The following TNXB variants were observed in gnomAD, a reference collection of about 807,000 sequenced individuals.
TNXB encodes the protein tenascin-X.
In TNXB, 183 loss-of-function variants were observed where a neutral mutation model predicts 340.5. That is an observed-to-expected ratio of 0.54 (90% CI 0.48 to 0.61). The LOEUF (loss-of-function observed/expected upper bound fraction) is 0.61. TNXB is among the 20% of genes least tolerant of loss of function. The probability of loss-of-function intolerance (pLI) is 0.00; values close to 1 mark genes in which losing one functional copy is unlikely to be tolerated. For missense variants in TNXB, 4,613 were observed against 5,446.4 expected (o/e 0.85, Z 4.82); for synonymous variants, 2,121 against 2,314.5 (o/e 0.92, Z 2.40).
chr6:32,087,912 C>G lies in TNXB; in HGVS notation c.2779+873G>C, dbSNP rs1399095318. On this transcript the variant is annotated intron_variant, in intron 6 of 43. Transcript: ENST00000644971. The surrounding 1 kb of genome is among the most constrained non-coding windows in gnomAD (Gnocchi z 9.0). ...AGGGCCAAGGGGGCCGTGGGGGCCG[C>G]GGGGCTGGGGCTGGCCGGGGCCGGG... 5 of 102,176 alleles carry G rather than the reference C, an allele frequency of 4.9e-5. No individual in the cohort carries two copies. Among genetic ancestry groups the G allele is most frequent in the South Asian group, 3.1e-4 (2 of 6,516 alleles). The allele number at this position is 102,176 out of a possible 1,614,324, so 6.3% of individuals were successfully genotyped here. A position where few individuals can be genotyped will look rare whatever the true frequency, so the allele number is the denominator to read the frequency against.
At chr6:32,050,493 C>G (rs1777217315) in intron 26 of TNXB, among the ~76,000 whole-genome samples, 172 bp from the exon 27 acceptor site, 2 of 151,208 alleles carry the variant, frequency 1.3e-5, no homozygotes, top group Admixed American at 1.3e-4. Flanking sequence ...TCACCCTGAC[C>G]CCCCTGCCCT....
At chr6:32,060,841 GT>G (rs1407406854) in intron 21 of TNXB, among the ~76,000 whole-genome samples, 3 of 151,954 alleles carry the variant, frequency 2.0e-5, no homozygotes, top group Non-Finnish European at 4.4e-5. Flanking sequence ...GTTTCACCAT[GT>G]TGGCTAGACT....
At chr6:32,088,022 C>T (rs1254833205) in intron 6 of TNXB, 2 of 284,452 alleles carry the variant, frequency 7.0e-6, no homozygotes, top group African/African-American at 2.4e-5. Context: ...GAGAACAGGT[C>T]AGTGGCAGCT....
chr6:32,081,447 G>A lies in TNXB; in HGVS notation c.3963C>T (p.Pro1321=), dbSNP rs765512234. ...AGAGGTTCATCTTATACTTCCGGTCGGGATCCAGGCCGGGGACAGTAACCT... is the reference window on the plus strand; with the variant it reads ...AGAGGTTCATCTTATACTTCCGGTCAGGATCCAGGCCGGGGACAGTAACCT... ...ENEVTVPGLD[P]DRKYKMNLYG... The change falls in exon 10 of 44, where the codon CCC becomes CCT. Residue 1321 remains proline (P), a synonymous_variant. Transcript: ENST00000644971. The surrounding 1 kb of genome is among the most constrained non-coding windows in gnomAD (Gnocchi z 5.1). The A allele has an allele frequency of 1.1e-5, 18 of 1,583,068 alleles. 1 individual carries two copies. The highest frequency in any genetic ancestry group is 9.2e-5 in the South Asian group (8 of 86,538).
At position 32,046,866 on chromosome 6, in the gene TNXB, C is replaced by T. The variant is rs968283456; in HGVS notation, c.10325-410G>A. Among the ~76,000 whole-genome samples, 5 of 152,188 alleles carry T rather than the reference C, an allele frequency of 3.3e-5. No individual in the cohort carries two copies. The South Asian group carries it at 8.3e-4, about 25-fold the overall frequency. On this transcript the variant is annotated intron_variant, in intron 30 of 43. Transcript: ENST00000644971. This position sits in a 1 kb window ranked among gnomAD's most constrained non-coding sequence, Gnocchi z 6.9. The stretch of plus-strand genomic sequence containing the variant: ...GTTGTCACGGAGACACCCCAAACAT[C>T]GAGAGCTGGTCTGGGCAGCCGGCCA...
rs1372917542 is a variant in TNXB at position 32,073,106 on chromosome 6, C to A, written c.4681+541G>T. Among the ~76,000 whole-genome samples, 2 of 152,052 alleles carry A rather than the reference C, an allele frequency of 1.3e-5. No individual in the cohort carries two copies. Among genetic ancestry groups the A allele is most frequent in the Admixed American group, 6.6e-5 (1 of 15,258 alleles). The stretch of plus-strand genomic sequence containing the variant: ...GCACAACAATCATGGAGAACCTGTG[C>A]CCAGGAAGCCATGAGGGGCAGGAAG... On this transcript the variant is annotated intron_variant, in intron 12 of 43. Transcript: ENST00000644971. This position sits in a 1 kb window ranked among gnomAD's most constrained non-coding sequence, Gnocchi z 4.6.
rs61729739 is a variant in TNXB, at chr6:32,052,713, G to A, written c.9072C>T (p.His3024=). 1,329 of 1,613,652 alleles carry A rather than the reference G, an allele frequency of 8.2e-4. 12 individuals are homozygous for A. In the African/African-American group the frequency reaches 0.015, roughly 19 times the overall value. Residue 3024 remains histidine (H), a synonymous_variant, in exon 26 of 44, where the codon CAC becomes CAT. Coordinates refer to ENST00000644971, the MANE Select transcript of TNXB (RefSeq NM_001365276.2). This position sits in a 1 kb window ranked among gnomAD's most constrained non-coding sequence, Gnocchi z 4.7. The part of the protein sequence containing the change: ...CKYKMHLYGL[H]EGQRVGPVSA... ...ACACTGGGCCCACGCGCTGCCCCTC[G>A]TGGAGGCCGTACAGGTGCATCTTGT...
At position 32,051,725 on chromosome 6, in the gene TNXB, G is replaced by A. The variant is rs966678629; in HGVS notation, c.9115+945C>T. The stretch of plus-strand genomic sequence containing the variant: ...TTGAGACCAGCCTGGGCAACATACC[G>A]AGACCCCCATTGCCACAGAAAATAA... On this transcript the variant is annotated intron_variant, in intron 26 of 43. Transcript: ENST00000644971. This position sits in a 1 kb window ranked among gnomAD's most constrained non-coding sequence, Gnocchi z 4.7. 3.3e-5 allele frequency among the ~76,000 whole-genome samples: 5 copies of A among 152,072 alleles called. No homozygotes were observed. Among genetic ancestry groups the A allele is most frequent in the Non-Finnish European group, 7.3e-5 (5 of 68,028 alleles).
Position 32,098,047 on chromosome 6 carries a change from C to G in TNXB, c.152G>C (p.Gly51Ala). ...PQPGGHTVGA[G>A]VGSPSSQLYE... is the part of the protein sequence containing the mutation. ...AAGCTGAGAAGAGGGGCTTCCCACT[C>G]CAGCCCCCACTGTGTGGCCCCCTGG... The change falls in exon 2 of 44, where the codon GGA becomes GCA. Residue 51 changes from glycine to alanine, a missense_variant. Gly to Ala is a moderately conservative substitution (Grantham distance 60). Coordinates refer to ENST00000644971, the MANE Select transcript of TNXB (RefSeq NM_001365276.2). 4 of 1,607,084 alleles carry G rather than the reference C, an allele frequency of 2.5e-6. No homozygotes were observed. Among genetic ancestry groups the G allele is most frequent in the Non-Finnish European group, 3.4e-6 (4 of 1,178,030 alleles).
rs1019216294 is a variant in TNXB, at chr6:32,076,675, G to T, written c.4375+2358C>A. On this transcript the variant is annotated intron_variant, in intron 11 of 43. Coordinates refer to ENST00000644971, the MANE Select transcript of TNXB (RefSeq NM_001365276.2). ...GGAAGCTGAGGTTCCAGGAGAGGAG[G>T]TAAGTTTTTCAAGATCATACAGCTG... Among the ~76,000 whole-genome samples, 3 of 152,198 alleles carry T rather than the reference G, an allele frequency of 2.0e-5. No individual in the cohort carries two copies. In the East Asian group the frequency reaches 5.8e-4, roughly 29 times the overall value.
rs1460919503 is a variant in TNXB at position 32,068,375 on chromosome 6, C to T, written c.6220+15G>A. 1 of 1,611,576 alleles carries T rather than the reference C, an allele frequency of 6.2e-7. No individual in the cohort carries two copies. The highest frequency in any genetic ancestry group is 8.5e-7 in the Non-Finnish European group (1 of 1,178,406). ...TCCCATGGCTCCCACCCTGGGGCTC[C>T]CATCATCCACTCACCTGTCACCCCG... is the stretch of plus-strand genomic sequence containing the variant. On this transcript the variant is annotated intron_variant, in intron 17 of 43. Coordinates refer to ENST00000644971, the MANE Select transcript of TNXB (RefSeq NM_001365276.2). The surrounding 1 kb of genome is among the most constrained non-coding windows in gnomAD (Gnocchi z 5.3).
In TNXB at chr6:32,081,370, G is replaced by A; in HGVS notation, c.4040C>T (p.Thr1347Ile). The A allele has an allele frequency of 6.5e-7, 1 of 1,535,420 alleles. No individual in the cohort carries two copies. The highest frequency in any genetic ancestry group is 2.5e-5 in the East Asian group (1 of 40,618). ...RVGPESVVAK[T>I]APQEDVDETP... is the part of the protein sequence containing the mutation. ...GAGGCCTGGCAGCCATGACTCACCA[G>A]TCTTGGCCACCACAGACTCGGGCCC... Residue 1347 changes from threonine to isoleucine, a missense_variant and splice_region_variant, in exon 10 of 44, where the codon ACT becomes ATT. Physicochemically the swap from Thr to Ile is moderately conservative, Grantham distance 89. Transcript: ENST00000644971. The surrounding 1 kb of genome is among the most constrained non-coding windows in gnomAD (Gnocchi z 5.1).
chr6:32,072,203 C>T lies in TNXB; in HGVS notation c.4777G>A (p.Val1593Met). ...LTVTDITPDS[V>M]GLSWTVPEGE... is the part of the protein sequence containing the mutation. ...TCAGGGACTGTCCATGAGAGGCCCA[C>T]AGAGTCAGGGGTTATATCCGTCACT... Residue 1593 changes from valine to methionine, a missense_variant, in exon 13 of 44, where the codon GTG becomes ATG. Val to Met is a conservative substitution (Grantham distance 21, BLOSUM62 1). This residue lies in a region of TNXB where 4,327 missense variants were observed against 4,859.4 expected (regional missense o/e 0.89). Coordinates refer to ENST00000644971, the MANE Select transcript of TNXB (RefSeq NM_001365276.2). The surrounding 1 kb of genome is among the most constrained non-coding windows in gnomAD (Gnocchi z 4.4). 6.2e-7 allele frequency: 1 copy of T among 1,612,414 alleles called. No individual in the cohort carries two copies. Among genetic ancestry groups the T allele is most frequent in the East Asian group, 2.2e-5 (1 of 44,882 alleles).
At position 32,050,000 on chromosome 6, in the gene TNXB, G is replaced by T; in HGVS notation, c.9437C>A (p.Thr3146Lys). 5.0e-6 allele frequency: 8 copies of T among 1,613,424 alleles called. No individual in the cohort carries two copies. Among genetic ancestry groups the T allele is most frequent in the Non-Finnish European group, 6.8e-6 (8 of 1,179,522 alleles). Residue 3146 changes from threonine (T) to lysine (K), a missense_variant and splice_region_variant, in exon 27 of 44, where the codon ACG (threonine) becomes AAG (lysine). Coordinates refer to ENST00000644971, the MANE Select transcript of TNXB (RefSeq NM_001365276.2). This position sits in a 1 kb window ranked among gnomAD's most constrained non-coding sequence, Gnocchi z 4.5. The stretch of plus-strand genomic sequence containing the variant: ...TGGGGCTCCCATCATTCACTCACCC[G>T]TCACCCCAATGGCAGACACAGGGCC... ...RVGPVSAIGV[T>K]EEETPSPTEP...
chr6:32,078,558 G>T, intron 11 of TNXB: 1 of 177,070 alleles, frequency 5.6e-6, no homozygotes, highest in Non-Finnish European at 1.2e-5. Context: ...GTACTAACCA[G>T]ACCTGACCCT....
At position 32,096,570 on chromosome 6, in the gene TNXB, G is replaced by A; in HGVS notation, c.1283C>T (p.Thr428Ile). The change falls in exon 3 of 44, where the codon ACC becomes ATC. Residue 428 changes from threonine (T) to isoleucine (I), a missense_variant. This residue lies in a region of TNXB where 4,327 missense variants were observed against 4,859.4 expected (regional missense o/e 0.89). Coordinates refer to ENST00000644971, the MANE Select transcript of TNXB (RefSeq NM_001365276.2). ...RCVCWPGYTG[T>I]DCGSRACPRD... ...TGGGCAGGCGCGCGAGCCGCAATCG[G>A]TTCCAGTGTACCCCGGCCAGCACAC... 6.3e-7 allele frequency: 1 copy of A among 1,587,278 alleles called. No individual in the cohort carries two copies.
In TNXB at chr6:32,085,921, G is replaced by A. The variant is rs886038650; in HGVS notation, c.2977C>T (p.Leu993=). The A allele has an allele frequency of 4.4e-6, 7 of 1,608,648 alleles. No homozygotes were observed. The South Asian group carries it at 7.8e-5, about 18-fold the overall frequency. Residue 993 remains leucine, a synonymous_variant, in exon 7 of 44, where the codon CTG becomes TTG. Coordinates refer to ENST00000644971, the MANE Select transcript of TNXB (RefSeq NM_001365276.2). This position sits in a 1 kb window ranked among gnomAD's most constrained non-coding sequence, Gnocchi z 6.4. ...GGCCCCTCGGGCACCCGCATGCGCA[G>A]TTGGAAGTAGGCAAAGGTGTCAGGC... ...AQPDTFAYFQ[L]RMRVPEGPGA...
chr6:32,072,249 C>T lies in TNXB; in HGVS notation c.4731G>A (p.Glu1577=), dbSNP rs1432485719. The T allele has an allele frequency of 6.2e-7, 1 of 1,608,734 alleles. No homozygotes were observed. The highest frequency in any genetic ancestry group is 8.5e-7 in the Non-Finnish European group (1 of 1,177,780). Residue 1577 remains glutamate, a synonymous_variant, in exon 13 of 44, where the codon GAG becomes GAA. Transcript: ENST00000644971. This position sits in a 1 kb window ranked among gnomAD's most constrained non-coding sequence, Gnocchi z 4.4. ...PATEASKPPL[E]PRLGELTVTD... is the part of the protein sequence containing the mutation. The stretch of plus-strand genomic sequence containing the variant: ...TCACTGTCAGCTCCCCTAGGCGTGG[C>T]TCCAGGGGAGGCTTGGAGGCCTCTG...
rs1582370845 is a variant in TNXB, at chr6:32,055,949, G to A, written c.8369C>T (p.Thr2790Ile). 2 of 1,613,506 alleles carry A rather than the reference G, an allele frequency of 1.2e-6. No individual in the cohort carries two copies. Among genetic ancestry groups the A allele is most frequent in the Non-Finnish European group, 1.7e-6 (2 of 1,179,874 alleles). ...MRVRGEESEV[T>I]VGGLEPGRKY... ...GCGCCCGGGCTCCAGGCCCCCCACG[G>A]TGACCTCGCTCTCCTCGCCCCTGAC... is the stretch of plus-strand genomic sequence containing the variant. Residue 2790 changes from threonine to isoleucine, a missense_variant, in exon 24 of 44, where the codon ACC (threonine) becomes ATC (isoleucine). Physicochemically the swap from Thr to Ile is moderately conservative, Grantham distance 89. Transcript: ENST00000644971.
Sources: allele counts gnomAD v4.1 joint callset (sites outside exome capture counted in the v4.1 genomes callset), GRCh38; gene constraint gnomAD v4.1.1; regional missense constraint gnomAD v4.1.1; non-coding constraint Gnocchi (gnomAD v3.1); transcripts MANE v1.5; gene names NCBI Gene and HGNC (gene_info 2026-07-23, HGNC 2026-07-21).